The following GRAMD1B variants were observed in gnomAD, a reference collection of about 807,000 sequenced individuals.
GRAMD1B encodes the protein protein Aster-B.
GRAMD1B carries 37 observed loss-of-function variants against 99.7 expected under a neutral mutation model. That is an observed-to-expected ratio of 0.37 (90% CI 0.29 to 0.49). The LOEUF is 0.49. Among genes scored for constraint, GRAMD1B ranks in the 20% least tolerant of loss-of-function variants. GRAMD1B has a pLI of 0.98. For synonymous variants in GRAMD1B, 427 were observed against 387.6 expected (o/e 1.10, Z -1.19); for missense variants, 888 against 1,009.2 (o/e 0.88, Z 1.63).
intron 1 of GRAMD1B, among the ~76,000 whole-genome samples, chr11:123,373,946 G>A (rs1478989041): frequency 6.6e-6 from 1 of 152,146 alleles, no homozygotes; most frequent in African/African-American, 2.4e-5. Flanking sequence ...AATCCCATCT[G>A]GATAAACTAT....
chr11:123,585,358 C>T (rs764531433), intron 4 of GRAMD1B, among the ~76,000 whole-genome samples: 2 of 152,160 alleles, frequency 1.3e-5, no homozygotes, highest in Non-Finnish European at 2.9e-5. Flanking sequence ...TGGCGCTGGG[C>T]GGTTCCTCAA....
At chr11:123,396,284 T>G (rs1394440410) in intron 1 of GRAMD1B, among the ~76,000 whole-genome samples, 1 of 151,354 alleles carries the variant, frequency 6.6e-6, no homozygotes, top group Non-Finnish European at 1.5e-5. Context: ...TTCTTCTTCT[T>G]TTTTTTTTGA....
chr11:123,617,813 C>G (rs780226815), intron 17 of GRAMD1B, among the ~76,000 whole-genome samples: 2 of 152,130 alleles, frequency 1.3e-5, no homozygotes, highest in Non-Finnish European at 2.9e-5. Context: ...GTTTAGGCAG[C>G]CAGTGAGGCT....
At chr11:123,619,390 G>A in intron 19 of GRAMD1B, 166 bp downstream of exon 19, 1 of 1,491,962 alleles carries the variant, frequency 6.7e-7, no homozygotes, top group Non-Finnish European at 8.9e-7. Context: ...CCTTCCTTGA[G>A]TGGGCTGCTA....
At chr11:123,368,275 A>AAAAAAAAAAAAAAAG (rs60644137) in intron 1 of GRAMD1B, among the ~76,000 whole-genome samples, 5 of 127,108 alleles carry the variant, frequency 3.9e-5, no homozygotes, top group African/African-American at 1.1e-4. Context: ...AAAAAAAAAA[A>AAAAAAAAAAAAAAAG]AAAGAAAGAA....
intron 2 of GRAMD1B, among the ~76,000 whole-genome samples, chr11:123,481,348 C>T (rs185192661): frequency 4.2e-4 from 64 of 152,186 alleles, no homozygotes; most frequent in African/African-American, 1.4e-3. Flanking sequence ...CCAGCTACTC[C>T]GAGGCTGAGG....
At chr11:123,594,961 T>C in intron 6 of GRAMD1B, 123 bp downstream of exon 6, 1 of 652,080 alleles carries the variant, frequency 1.5e-6, no homozygotes. Flanking sequence ...AACAAAAGCA[T>C]GCCTGAGTCT....
chr11:123,364,593 A>G (rs1946256296), intron 1 of GRAMD1B, among the ~76,000 whole-genome samples: 1 of 152,222 alleles, frequency 6.6e-6, no homozygotes, highest in Non-Finnish European at 1.5e-5. Flanking sequence ...GTTTTTATGC[A>G]CGTTGAGGAA....
At chr11:123,597,666 T>A (rs1951450191) in intron 7 of GRAMD1B, among the ~76,000 whole-genome samples, 1 of 152,094 alleles carries the variant, frequency 6.6e-6, no homozygotes, top group African/African-American at 2.4e-5. Context: ...GAGAAAGAGG[T>A]ATGGAGGCAT....
intron 2 of GRAMD1B, among the ~76,000 whole-genome samples, chr11:123,497,106 G>C (rs928453878): frequency 2.0e-5 from 3 of 152,102 alleles, no homozygotes; most frequent in Admixed American, 1.3e-4. Flanking sequence ...TTTTGTGAAG[G>C]CTTTTCAGGT....
At position 123,590,451 on chromosome 11, in the gene GRAMD1B, C is replaced by G. The variant is rs1019914186; in HGVS notation, c.685-3631C>G. ...CGCCTCCATGTGGAGCCCTGGCCAGCAACTTTCCATTGCAGGAAACATCTG... is the reference window on the plus strand; with the variant it reads ...CGCCTCCATGTGGAGCCCTGGCCAGGAACTTTCCATTGCAGGAAACATCTG... On this transcript the variant is annotated intron_variant, in intron 4 of 19. Coordinates refer to ENST00000635736, the MANE Select transcript of GRAMD1B (RefSeq NM_001387025.1). Among the ~76,000 whole-genome samples, 3 of 152,198 alleles carry G rather than the reference C, an allele frequency of 2.0e-5. No individual in the cohort carries two copies. The East Asian group carries it at 5.8e-4, about 29-fold the overall frequency.
intron 2 of GRAMD1B, among the ~76,000 whole-genome samples, chr11:123,572,864 A>G (rs138473185): frequency 0.015 from 1,343 of 91,768 alleles, 4 homozygotes; most frequent in Middle Eastern, 0.04. Flanking sequence ...GGGCAGGGGC[A>G]CAGGTAGGCC....
chr11:123,505,005 TTTTC>T (rs1298493417), intron 2 of GRAMD1B, among the ~76,000 whole-genome samples: 1 of 152,130 alleles, frequency 6.6e-6, no homozygotes, highest in Non-Finnish European at 1.5e-5. Context: ...TCTTTATGAC[TTTTC>T]TTTATTTCCA....
chr11:123,376,880 T>C (rs1346355387), intron 1 of GRAMD1B, among the ~76,000 whole-genome samples: 3 of 152,208 alleles, frequency 2.0e-5, no homozygotes, highest in Non-Finnish European at 4.4e-5. Flanking sequence ...GAGTTCAGAA[T>C]TGCCATGGGC....
At position 123,603,420 on chromosome 11, in the gene GRAMD1B, CT is replaced by C; in HGVS notation, c.1051-5del. On this transcript the variant is annotated splice_region_variant and splice_polypyrimidine_tract_variant and intron_variant, in intron 8 of 19. Coordinates refer to ENST00000635736, the MANE Select transcript of GRAMD1B (RefSeq NM_001387025.1). ...AAGGCTCAGTCGTTCCTTTTCTCCC[CT>C]GAAGCCTCTGTGTCCCAAGGAGCTC... 2.5e-6 allele frequency: 4 copies of C among 1,569,732 alleles called. No individual in the cohort carries two copies. Among genetic ancestry groups the C allele is most frequent in the Non-Finnish European group, 3.5e-6 (4 of 1,139,582 alleles).
intron 7 of GRAMD1B, among the ~76,000 whole-genome samples, chr11:123,597,685 G>A (rs1951451247): frequency 6.6e-6 from 1 of 152,190 alleles, no homozygotes; most frequent in Admixed American, 6.5e-5. Flanking sequence ...ATTAAGACCA[G>A]ACGCACTGAG....
intron 2 of GRAMD1B, among the ~76,000 whole-genome samples, chr11:123,498,916 A>G (rs1012186571): frequency 6.6e-6 from 1 of 152,210 alleles, no homozygotes; most frequent in Non-Finnish European, 1.5e-5. Flanking sequence ...TTTCTCGAAA[A>G]GCAGTGCTGA....
intron 1 of GRAMD1B, among the ~76,000 whole-genome samples, chr11:123,444,375 G>A (rs116269860): frequency 2.6e-5 from 4 of 151,938 alleles, no homozygotes; most frequent in African/African-American, 9.7e-5. Flanking sequence ...ACCTATAATC[G>A]CAGCACTTTG....
chr11:123,437,968 G>A (rs1007019737), intron 1 of GRAMD1B, among the ~76,000 whole-genome samples: 1 of 152,144 alleles, frequency 6.6e-6, no homozygotes, highest in South Asian at 2.1e-4. Context: ...AGGAAGTGTG[G>A]GAGAGAGAAA....
Sources: gnomAD v4.1 joint callset for allele counts (sites outside exome capture counted in the v4.1 genomes callset) on GRCh38, gnomAD v4.1.1 for gene constraint, MANE v1.5 for transcripts, NCBI Gene and HGNC (gene_info 2026-07-23, HGNC 2026-07-21) for gene names.